The following CCDC150 variants were observed in gnomAD, a reference collection of about 807,000 sequenced individuals.
CCDC150 encodes the protein coiled-coil domain-containing protein 150.
Under a neutral mutation model 156.5 loss-of-function variants are expected in CCDC150, and 151 were observed. The observed-to-expected ratio is 0.97, with a 90% CI of 0.85 to 1.10. The LOEUF is 1.10. Ranked by LOEUF, CCDC150 falls within the 50% of genes least tolerant of loss-of-function variation. CCDC150 has a pLI of 0.00. For synonymous variants in CCDC150, 452 were observed against 429.4 expected, an observed-to-expected ratio of 1.05 and a Z score of -0.65; for missense variants, 1,312 against 1,268.1, an observed-to-expected ratio of 1.03 and a Z score of -0.53.
chr2:196,685,706 G>A (rs1425996347), intron 13 of CCDC150, among the ~76,000 whole-genome samples: 2 of 151,708 alleles, frequency 1.3e-5, no homozygotes, highest in African/African-American at 4.8e-5. Flanking sequence ...CCACCTCCCG[G>A]GTTCATGCCA....
intron 24 of CCDC150, 39 bp from the exon 25 acceptor site, chr2:196,729,918 G>A: frequency 1.2e-6 from 2 of 1,607,404 alleles, no homozygotes; most frequent in Non-Finnish European, 1.7e-6. Context: ...CAAACTTGGA[G>A]GGTGTTCACC....
intron 15 of CCDC150, among the ~76,000 whole-genome samples, chr2:196,706,065 G>C (rs746253784): frequency 5.9e-5 from 9 of 151,996 alleles, no homozygotes; most frequent in Non-Finnish European, 1.0e-4. Flanking sequence ...GAACTTTAAA[G>C]TAGTGAAGAA....
chr2:196,702,428 T>C (rs2125669031), intron 15 of CCDC150, among the ~76,000 whole-genome samples: 1 of 151,612 alleles, frequency 6.6e-6, no homozygotes, highest in East Asian at 2.0e-4. Flanking sequence ...GTGCAATATC[T>C]GGGCTTGCTG....
chr2:196,669,979 G>A (rs1694105481), intron 8 of CCDC150, 103 bp downstream of exon 8: 1 of 714,992 alleles, frequency 1.4e-6, no homozygotes, highest in African/African-American at 1.8e-5. Flanking sequence ...TCTCATCAAA[G>A]TTTTATTTAA....
At chr2:196,640,296 G>A (rs891749186) in intron 1 of CCDC150, among the ~76,000 whole-genome samples, 1 of 152,154 alleles carries the variant, frequency 6.6e-6, no homozygotes. Flanking sequence ...ACTGTATTAG[G>A]CTCTAAAGAT....
At chr2:196,720,100 A>G (rs1296929113) in intron 19 of CCDC150, 24 of 402,088 alleles carry the variant, frequency 6.0e-5, no homozygotes, top group Non-Finnish European at 5.5e-5. Flanking sequence ...CATTCTGAGA[A>G]CCACTTCTAG....
Position 196,646,207 on chromosome 2 carries a change from T to C in CCDC150, c.13-134T>C, listed in dbSNP as rs972048411. 3.7e-5 allele frequency: 26 copies of C among 702,248 alleles called. No individual in the cohort carries two copies. The Admixed American group carries it at 6.1e-4, about 16-fold the overall frequency. 43.5% of individuals were successfully genotyped at this position (702,248 alleles called of 1,614,324 possible). ...TCTTATAACTTCCACCTACATTTAA[T>C]TGGCCAAAGCAGAACACATCACCAT... On this transcript the variant is annotated intron_variant, in intron 1 of 27. Transcript: ENST00000389175.
chr2:196,719,345 TA>T, intron 18 of CCDC150, 151 bp from the exon 19 acceptor site: 1 of 573,058 alleles, frequency 1.7e-6, no homozygotes, highest in Non-Finnish European at 2.8e-6. Flanking sequence ...AGAAACCACC[TA>T]AAAATAAAAT....
At chr2:196,688,429 G>T (rs1290688939) in intron 13 of CCDC150, among the ~76,000 whole-genome samples, 1 of 152,118 alleles carries the variant, frequency 6.6e-6, no homozygotes, top group East Asian at 1.9e-4. Flanking sequence ...GAATGCTAAC[G>T]ATCTTTGCAC....
intron 11 of CCDC150, 84 bp from the exon 12 acceptor site, chr2:196,676,470 T>C (rs931596705): frequency 1.5e-5 from 21 of 1,356,442 alleles, no homozygotes; most frequent in Admixed American, 2.3e-5. Context: ...TCAGGAAATA[T>C]GTTCTATAAG....
At chr2:196,729,460 G>C in intron 23 of CCDC150, 73 bp downstream of exon 23, 2 of 1,472,048 alleles carry the variant, frequency 1.4e-6, no homozygotes, top group Non-Finnish European at 1.9e-6. Context: ...GTCTAGGGAA[G>C]ACAGGTTTTA....
chr2:196,716,573 G>A (rs1575946489), intron 17 of CCDC150, among the ~76,000 whole-genome samples: 1 of 152,170 alleles, frequency 6.6e-6, no homozygotes, highest in Non-Finnish European at 1.5e-5. Flanking sequence ...AAACAGATCA[G>A]TGGTTACCTG....
intron 18 of CCDC150, chr2:196,719,201 A>T: frequency 4.6e-6 from 1 of 216,610 alleles, no homozygotes; most frequent in Non-Finnish European, 9.0e-6. Context: ...GCCTGGCGCC[A>T]CCTCTGGACG....
intron 10 of CCDC150, among the ~76,000 whole-genome samples, chr2:196,675,095 A>G (rs116187181): frequency 0.017 from 2,617 of 152,222 alleles, 73 homozygotes; most frequent in African/African-American, 0.059. Flanking sequence ...ATTATGCTGC[A>G]TCCCTATTCT....
intron 13 of CCDC150, among the ~76,000 whole-genome samples, chr2:196,685,922 GTTT>G (rs2125634102): frequency 6.6e-6 from 1 of 152,120 alleles, no homozygotes; most frequent in Non-Finnish European, 1.5e-5. Context: ...CCGGTTGAAT[GTTT>G]TTCTTTCAGC....
intron 2 of CCDC150, 30 bp downstream of exon 2, chr2:196,646,534 T>A: frequency 6.3e-7 from 1 of 1,586,470 alleles, no homozygotes; most frequent in Non-Finnish European, 8.6e-7. Flanking sequence ...TCTCTGTAGG[T>A]TGAAGAATTT....
intron 23 of CCDC150, 171 bp from the exon 24 acceptor site, chr2:196,729,622 T>C: frequency 1.5e-6 from 1 of 661,024 alleles, no homozygotes; most frequent in Non-Finnish European, 2.6e-6. Flanking sequence ...CCGTGTTGAT[T>C]GTACTGGACT....
At chr2:196,702,347 G>GTGTGTGTA (rs1553562651) in intron 15 of CCDC150, among the ~76,000 whole-genome samples, 2 of 117,376 alleles carry the variant, frequency 1.7e-5, no homozygotes, top group African/African-American at 6.3e-5. Context: ...GAAGTGCTGT[G>GTGTGTGTA]TGTGTGTGTG....
intron 13 of CCDC150, among the ~76,000 whole-genome samples, 175 bp downstream of exon 13, chr2:196,677,536 C>G (rs1694586181): frequency 6.6e-6 from 1 of 152,166 alleles, no homozygotes; most frequent in South Asian, 2.1e-4. Flanking sequence ...AAGGTTGTTT[C>G]TGGGGAACAT....
Sources: gnomAD v4.1 joint callset for allele counts (sites outside exome capture counted in the v4.1 genomes callset) on GRCh38, gnomAD v4.1.1 for gene constraint, MANE v1.5 for transcripts, NCBI Gene and HGNC (gene_info 2026-07-23, HGNC 2026-07-21) for gene names.